UNC13C: variants seen among roughly 807,000 people sequenced by gnomAD.
UNC13C encodes unc-13 homolog C.
A neutral mutation model predicts 245.4 loss-of-function variants in UNC13C; 174 were observed. That is an observed-to-expected ratio of 0.71 (90% CI 0.63 to 0.80). The LOEUF (loss-of-function observed/expected upper bound fraction) is 0.80. UNC13C is among the 30% of genes least tolerant of loss of function. UNC13C has a pLI of 0.00. For missense variants in UNC13C, 2,829 were observed against 2,602.9 expected (o/e 1.09, Z -1.89); for synonymous variants, 992 against 895.1 (o/e 1.11, Z -1.93).
chr15:54,342,026 T>C (rs1375346054), intron 17 of UNC13C, among the ~76,000 whole-genome samples: 1 of 152,004 alleles, frequency 6.6e-6, no homozygotes, highest in Non-Finnish European at 1.5e-5. Flanking sequence ...AATCCCATCC[T>C]ACTCCTTTTT....
chr15:54,214,296 C>T (rs2140759323), intron 4 of UNC13C, among the ~76,000 whole-genome samples: 1 of 151,950 alleles, frequency 6.6e-6, no homozygotes, highest in Middle Eastern at 3.4e-3. Flanking sequence ...TTTTCTTTCG[C>T]TAGTCTTTAA....
chr15:53,917,251 C>G, the UNC13C span, among the ~76,000 whole-genome samples: 1 of 152,196 alleles, frequency 6.6e-6, no homozygotes, highest in African/African-American at 2.4e-5. Flanking sequence ...ATGAATAAAC[C>G]TCCCAGCATT....
intron 18 of UNC13C, among the ~76,000 whole-genome samples, chr15:54,403,794 CT>C (rs1415373219): frequency 1.4e-5 from 2 of 141,796 alleles, no homozygotes; most frequent in Non-Finnish European, 3.1e-5. Flanking sequence ...TAAGTATATA[CT>C]TAAATATCTG....
At chr15:54,313,913 T>G (rs1052295041) in intron 13 of UNC13C, among the ~76,000 whole-genome samples, 5 of 151,482 alleles carry the variant, frequency 3.3e-5, no homozygotes, top group Non-Finnish European at 7.4e-5. Flanking sequence ...ATTGAGAAAA[T>G]GTACTATGTA....
intron 17 of UNC13C, among the ~76,000 whole-genome samples, chr15:54,343,274 C>G (rs958586837): frequency 6.6e-6 from 1 of 152,016 alleles, no homozygotes; most frequent in African/African-American, 2.4e-5. Context: ...GCTGGGATTA[C>G]AGAGGCCCAC....
intron 13 of UNC13C, among the ~76,000 whole-genome samples, chr15:54,307,256 G>C (rs1221972693): frequency 6.6e-6 from 1 of 151,938 alleles, no homozygotes; most frequent in Non-Finnish European, 1.5e-5. Context: ...TCTGGTGTCT[G>C]ACGAGGGCCA....
At chr15:53,896,554 T>G in the UNC13C span, among the ~76,000 whole-genome samples, 1 of 151,970 alleles carries the variant, frequency 6.6e-6, no homozygotes, top group Admixed American at 6.6e-5. Flanking sequence ...GATGGTGAAG[T>G]GGATATATGT....
chr15:54,092,882 A>G (rs1474953325), intron 2 of UNC13C, among the ~76,000 whole-genome samples: 1 of 152,158 alleles, frequency 6.6e-6, no homozygotes, highest in Non-Finnish European at 1.5e-5. Flanking sequence ...CATTTATTGT[A>G]TGACATAGAT....
At chr15:53,941,098 A>G in the UNC13C span, among the ~76,000 whole-genome samples, 1 of 152,194 alleles carries the variant, frequency 6.6e-6, no homozygotes, top group South Asian at 2.1e-4. Flanking sequence ...GTACTGGTAC[A>G]AAACAGACAC....
intron 4 of UNC13C, among the ~76,000 whole-genome samples, chr15:54,188,083 G>T (rs1175807001): frequency 6.6e-6 from 1 of 152,142 alleles, no homozygotes; most frequent in Non-Finnish European, 1.5e-5. Flanking sequence ...CTCCCAAAGT[G>T]CTGGGATTAC....
At chr15:54,238,657 A>T (rs1315686811) in intron 7 of UNC13C, among the ~76,000 whole-genome samples, 1 of 152,194 alleles carries the variant, frequency 6.6e-6, no homozygotes, top group African/African-American at 2.4e-5. Flanking sequence ...ATTATTTTGC[A>T]TACACCTTTT....
At position 54,014,285 on chromosome 15, in the gene UNC13C, A is replaced by G. The variant is rs375455661; in HGVS notation, c.1382A>G (p.Asn461Ser). The change falls in exon 2 of 33, where the codon AAT becomes AGT. Residue 461 changes from asparagine to serine, a missense_variant. Transcript: ENST00000260323. ...GATGAAGATCTTGAATCTGACCTCA[A>G]TAGAAACAGTTACGCTGTGCTTTCC... ...DSDEDLESDL[N>S]RNSYAVLSKS... is the part of the protein sequence containing the mutation. 2.1e-5 allele frequency: 34 copies of G among 1,613,840 alleles called. 1 individual carries two copies. Among genetic ancestry groups the G allele is most frequent in the Middle Eastern group, 1.6e-4 (1 of 6,082 alleles).
At chr15:54,251,427 G>A (rs941529384) in intron 8 of UNC13C, among the ~76,000 whole-genome samples, 1 of 152,160 alleles carries the variant, frequency 6.6e-6, no homozygotes, top group East Asian at 1.9e-4. Context: ...TAAGAGCCTG[G>A]CACACGGTAG....
intron 2 of UNC13C, among the ~76,000 whole-genome samples, chr15:54,103,233 A>G (rs1344884962): frequency 6.6e-6 from 1 of 152,194 alleles, no homozygotes. Context: ...ACATAGACAT[A>G]CATCTCGCCA....
At chr15:54,230,788 T>C (rs777161341) in intron 4 of UNC13C, among the ~76,000 whole-genome samples, 1 of 152,058 alleles carries the variant, frequency 6.6e-6, no homozygotes, top group Non-Finnish European at 1.5e-5. Flanking sequence ...AGGTGACAAG[T>C]ATGTTAATTA....
chr15:54,562,729 T>C (rs1248102947), intron 29 of UNC13C, among the ~76,000 whole-genome samples: 1 of 152,062 alleles, frequency 6.6e-6, no homozygotes, highest in Non-Finnish European at 1.5e-5. Flanking sequence ...AAAACTATCA[T>C]GCCATCCTAT....
intron 29 of UNC13C, among the ~76,000 whole-genome samples, chr15:54,560,087 C>T (rs1354656251): frequency 6.6e-6 from 1 of 151,842 alleles, no homozygotes; most frequent in South Asian, 2.1e-4. Flanking sequence ...AGTGGCTAAC[C>T]TCTAAAATTA....
intron 29 of UNC13C, among the ~76,000 whole-genome samples, chr15:54,565,897 G>C (rs866024900): frequency 2.0e-5 from 3 of 151,984 alleles, no homozygotes; most frequent in Middle Eastern, 3.4e-3. Flanking sequence ...CCCAGAAGTG[G>C]CAAATTTTCA....
chr15:54,560,142 G>A (rs184029448), intron 29 of UNC13C, among the ~76,000 whole-genome samples: 142 of 152,082 alleles, frequency 9.3e-4, no homozygotes, highest in African/African-American at 3.2e-3. Flanking sequence ...TGCAAAATGA[G>A]CTGTCTGCCT....
Sources: gnomAD v4.1 joint callset for allele counts (sites outside exome capture counted in the v4.1 genomes callset) on GRCh38, gnomAD v4.1.1 for gene constraint, MANE v1.5 for transcripts, NCBI Gene and HGNC (gene_info 2026-07-23, HGNC 2026-07-21) for gene names.